Variants in LUC7L2 observed in about 807,000 individuals in gnomAD.
LUC7L2 encodes LUC7 like 2, pre-mRNA splicing factor.
Under a neutral mutation model 52.8 loss-of-function variants are expected in LUC7L2, and 25 were observed. The observed-to-expected ratio is 0.47, with a 90% CI of 0.34 to 0.66. LUC7L2 has a LOEUF of 0.66. Ranked by LOEUF, LUC7L2 falls within the 30% of genes least tolerant of loss-of-function variation. The pLI is 0.01. For missense variants in LUC7L2, 328 were observed against 497.8 expected (o/e 0.66, Z 3.25); for synonymous variants, 144 against 160.9 (o/e 0.89, Z 0.80).
At chr7:139,368,678 C>T (rs1484558305) in intron 1 of LUC7L2, among the ~76,000 whole-genome samples, 1 of 149,070 alleles carries the variant, frequency 6.7e-6, no homozygotes, top group East Asian at 2.0e-4. Context: ...ACGGAGGTTG[C>T]TGTGAGCCCA....
At chr7:139,402,963 C>A (rs954108853) in intron 4 of LUC7L2, among the ~76,000 whole-genome samples, 1 of 152,224 alleles carries the variant, frequency 6.6e-6, no homozygotes, top group Admixed American at 6.5e-5. Flanking sequence ...CTACCCTTGG[C>A]AACCACTAAC....
At chr7:139,402,723 C>T (rs189503819) in intron 4 of LUC7L2, among the ~76,000 whole-genome samples, 1 of 152,242 alleles carries the variant, frequency 6.6e-6, no homozygotes, top group Non-Finnish European at 1.5e-5. Context: ...AGGGTTTTGC[C>T]ATGTTGGCCA....
chr7:139,415,669 A>G (rs1315196534), intron 8 of LUC7L2, among the ~76,000 whole-genome samples: 3 of 150,784 alleles, frequency 2.0e-5, no homozygotes, highest in African/African-American at 7.3e-5. Flanking sequence ...ATTTTTAAAA[A>G]TTTATTGTAG....
chr7:139,393,819 T>C (rs1794548713), intron 2 of LUC7L2, among the ~76,000 whole-genome samples: 1 of 152,224 alleles, frequency 6.6e-6, no homozygotes, highest in African/African-American at 2.4e-5. Flanking sequence ...CATCATGGTA[T>C]GGACAGAGGA....
At chr7:139,421,896 T>C (rs1214526758) in intron 9 of LUC7L2, among the ~76,000 whole-genome samples, 2 of 151,996 alleles carry the variant, frequency 1.3e-5, no homozygotes, top group Non-Finnish European at 2.9e-5. Context: ...TTGGAGAAAC[T>C]CTGTGTTGTC....
chr7:139,356,314 C>CAAAAAA (rs10524961), upstream of LUC7L2, among the ~76,000 whole-genome samples: 8 of 82,956 alleles, frequency 9.6e-5, no homozygotes, highest in Non-Finnish European at 1.6e-4. Flanking sequence ...GACCCTATCT[C>CAAAAAA]AAAAAAAAAA....
At chr7:139,390,233 C>T (rs112419047) in intron 2 of LUC7L2, among the ~76,000 whole-genome samples, 1 of 107,810 alleles carries the variant, frequency 9.3e-6, no homozygotes, top group South Asian at 2.6e-4. Context: ...CTCTCTCTCT[C>T]TCTCTCTTTT....
intron 1 of LUC7L2, among the ~76,000 whole-genome samples, chr7:139,368,273 A>G (rs1259944309): frequency 1.3e-5 from 2 of 152,214 alleles, no homozygotes; most frequent in Non-Finnish European, 2.9e-5. Flanking sequence ...TTGACCAAAA[A>G]TCTAATGGGA....
chr7:139,387,660 T>C (rs1397323312), intron 2 of LUC7L2, among the ~76,000 whole-genome samples: 1 of 152,244 alleles, frequency 6.6e-6, no homozygotes, highest in Non-Finnish European at 1.5e-5. Flanking sequence ...AAACTTGTGG[T>C]GGTTCTGTAT....
At chr7:139,358,072 A>T (rs962930186), upstream of LUC7L2, among the ~76,000 whole-genome samples, 5 of 151,756 alleles carry the variant, frequency 3.3e-5, no homozygotes, top group African/African-American at 1.2e-4. Flanking sequence ...CAGTGGCATA[A>T]TCTCGGCTTA....
At chr7:139,411,857 AAGG>A (rs1388623463) in intron 7 of LUC7L2, among the ~76,000 whole-genome samples, 2 of 152,158 alleles carry the variant, frequency 1.3e-5, no homozygotes, top group Non-Finnish European at 2.9e-5. Flanking sequence ...CTTTTCCCAG[AAGG>A]GAAAAAAGAA....
intron 6 of LUC7L2, among the ~76,000 whole-genome samples, chr7:139,409,310 A>G (rs1305743480): frequency 6.6e-6 from 1 of 151,676 alleles, no homozygotes; most frequent in Non-Finnish European, 1.5e-5. Context: ...TTAAAAAAAA[A>G]AACAAAAAAA....
In LUC7L2 at chr7:139,412,584, G is replaced by A. The variant is rs762488205; in HGVS notation, c.809+4G>A. ...CACACAGCAAGAATCCAAAAAGGTA[G>A]GTGTATTACATAAGACAGGTATAAG... On this transcript the variant is annotated splice_donor_region_variant and intron_variant, in intron 8 of 9. Transcript: ENST00000354926. 10 of 1,603,666 alleles carry A rather than the reference G, an allele frequency of 6.2e-6. No individual in the cohort carries two copies. The African/African-American group carries it at 1.2e-4, about 20-fold the overall frequency.
Position 139,422,508 on chromosome 7 carries a change from G to A in LUC7L2, c.*168G>A. ...AACTGAACCTGTTTTCCTTGATGATGCCTAAAACTACATCCATAGTTTCTG... is the reference window on the plus strand; with the variant it reads ...AACTGAACCTGTTTTCCTTGATGATACCTAAAACTACATCCATAGTTTCTG... On this transcript the variant is annotated 3_prime_UTR_variant, in exon 10 of 10. Transcript: ENST00000354926. The A allele has an allele frequency of 2.3e-6, 3 of 1,283,148 alleles. No homozygotes were observed. The highest frequency in any genetic ancestry group is 3.0e-6 in the Non-Finnish European group (3 of 1,005,022). 79.5% of individuals were successfully genotyped at this position (1,283,148 alleles called of 1,614,324 possible).
intron 3 of LUC7L2, among the ~76,000 whole-genome samples, chr7:139,401,455 C>T (rs1794913130): frequency 6.6e-6 from 1 of 151,916 alleles, no homozygotes; most frequent in Non-Finnish European, 1.5e-5. Flanking sequence ...TTCTTCATGT[C>T]CTCAAGTGAT....
chr7:139,348,832 C>G (rs1434983364), intron 1 of LUC7L2, among the ~76,000 whole-genome samples: 6 of 152,164 alleles, frequency 3.9e-5, no homozygotes, highest in East Asian at 3.9e-4. Flanking sequence ...GGAAGGCCAA[C>G]AAGGTTGTTG....
intron 2 of LUC7L2, among the ~76,000 whole-genome samples, chr7:139,385,560 A>G (rs1406001291): frequency 6.6e-6 from 1 of 152,050 alleles, no homozygotes; most frequent in East Asian, 1.9e-4. Context: ...GCCTCAAGGG[A>G]TCCTCACACC....
At chr7:139,378,429 G>A (rs2131220942) in intron 2 of LUC7L2, among the ~76,000 whole-genome samples, 1 of 151,948 alleles carries the variant, frequency 6.6e-6, no homozygotes, top group East Asian at 1.9e-4. Context: ...AAAAAAATTA[G>A]CCTGGCATGG....
chr7:139,411,642 C>G (rs1795364180), intron 7 of LUC7L2, among the ~76,000 whole-genome samples: 1 of 152,074 alleles, frequency 6.6e-6, no homozygotes, highest in Non-Finnish European at 1.5e-5. Context: ...AATAATAATC[C>G]CTGTGGTGTC....
Sources: gnomAD v4.1 joint callset for allele counts (sites outside exome capture counted in the v4.1 genomes callset) on GRCh38, gnomAD v4.1.1 for gene constraint, MANE v1.5 for transcripts, NCBI Gene and HGNC (gene_info 2026-07-23, HGNC 2026-07-21) for gene names.